The following SAMD5 variants were observed in gnomAD, a reference collection of about 807,000 sequenced individuals.
The protein encoded by SAMD5 is sterile alpha motif domain-containing protein 5.
A neutral mutation model predicts 11.3 loss-of-function variants in SAMD5; 13 were observed. The ratio of observed to expected loss-of-function variants is 1.15; its 90% CI spans 0.75 to 1.83. SAMD5 has a LOEUF of 1.83. Among genes scored for constraint, SAMD5 ranks in the 40% most tolerant of loss-of-function variants. The pLI is 0.00. For missense variants in SAMD5, 255 were observed against 239.1 expected (o/e 1.07, Z -0.44); for synonymous variants, 129 against 111.3 (o/e 1.16, Z -1.00).
intron 1 of SAMD5, among the ~76,000 whole-genome samples, chr6:147,540,155 G>C (rs1472492990): frequency 6.6e-6 from 1 of 151,900 alleles, no homozygotes; most frequent in African/African-American, 2.4e-5. Flanking sequence ...GAAAATTTAA[G>C]ACTGCGAATC....
the SAMD5 span, among the ~76,000 whole-genome samples, chr6:147,850,382 C>G: frequency 6.6e-6 from 1 of 152,106 alleles, no homozygotes; most frequent in Non-Finnish European, 1.5e-5. Context: ...AGGGCTGTAT[C>G]TAAAATTAAA....
the SAMD5 span, among the ~76,000 whole-genome samples, chr6:147,850,825 A>T: frequency 1.3e-5 from 2 of 151,794 alleles, no homozygotes; most frequent in Admixed American, 6.6e-5. Context: ...ACCGAGTAGC[A>T]GACTCGGTGA....
Position 147,534,676 on chromosome 6 carries a change from G to A in SAMD5, c.459+25289G>A, listed in dbSNP as rs772514563. Among the ~76,000 whole-genome samples, 26 of 152,220 alleles carry A rather than the reference G, an allele frequency of 1.7e-4. No homozygotes were observed. In the South Asian group the frequency reaches 1.9e-3, roughly 11 times the overall value. ...CTGAGTCAGTTCCTGGGTGGGGGCC[G>A]CAAGATCAGATGAGCCAGTTGATTG... is the stretch of plus-strand genomic sequence containing the variant. On this transcript the variant is annotated intron_variant, in intron 1 of 1. Transcript: ENST00000367474.
rs2128444588 is a variant in SAMD5 at position 147,564,745 on chromosome 6, CCCTT to C, written c.*292_*295del. On this transcript the variant is annotated 3_prime_UTR_variant, in exon 2 of 2. Transcript: ENST00000367474. ...AGTCTTATGCATTTCTTGGCATTCT[CCCTT>C]CCATTCTTAATGAAAACAGATGAGG... The C allele has an allele frequency of 9.5e-7, 1 of 1,055,860 alleles. No homozygotes were observed. The highest frequency in any genetic ancestry group is 5.4e-5 in the Admixed American group (1 of 18,560). The allele number at this position is 1,055,860 out of a possible 1,614,324, so 65.4% of individuals were successfully genotyped here. A position where few individuals can be genotyped will look rare whatever the true frequency, so the allele number is the denominator to read the frequency against.
At chr6:147,628,218 A>G (rs1185631851) in intron 1 of SAMD5, among the ~76,000 whole-genome samples, 5 of 152,230 alleles carry the variant, frequency 3.3e-5, no homozygotes, top group African/African-American at 1.2e-4. Flanking sequence ...TCCTTTAAGC[A>G]ACTTGAGATA....
At chr6:147,674,092 G>GT (rs1187080785) in intron 1 of SAMD5, among the ~76,000 whole-genome samples, 5 of 152,178 alleles carry the variant, frequency 3.3e-5, no homozygotes, top group East Asian at 1.9e-4. Flanking sequence ...TTACTCTTTT[G>GT]TTTTTTTACT....
chr6:147,818,998 A>G, the SAMD5 span, among the ~76,000 whole-genome samples: 3 of 152,176 alleles, frequency 2.0e-5, no homozygotes, highest in Admixed American at 1.3e-4. Flanking sequence ...CCAAAATATA[A>G]ATCGTTCTAC....
intron 1 of SAMD5, among the ~76,000 whole-genome samples, chr6:147,703,524 A>G (rs1791284478): frequency 6.6e-6 from 1 of 152,240 alleles, no homozygotes; most frequent in African/African-American, 2.4e-5. Flanking sequence ...TTTATCATGC[A>G]AAACCTCAAA....
chr6:147,534,754 T>G (rs916207234), intron 1 of SAMD5, among the ~76,000 whole-genome samples: 3 of 152,176 alleles, frequency 2.0e-5, no homozygotes, highest in East Asian at 3.9e-4. Context: ...TCTCAAGCAC[T>G]GATCTTAGGA....
At chr6:147,798,350 T>C in the SAMD5 span, among the ~76,000 whole-genome samples, 1 of 150,610 alleles carries the variant, frequency 6.6e-6, no homozygotes, top group Non-Finnish European at 1.5e-5. Flanking sequence ...AGGAGCAGGT[T>C]GTTCAGTTTC....
intron 1 of SAMD5, among the ~76,000 whole-genome samples, chr6:147,665,310 G>C (rs2128454845): frequency 6.6e-6 from 1 of 152,310 alleles, no homozygotes; most frequent in South Asian, 2.1e-4. Flanking sequence ...TTTTGAAAGT[G>C]TTTTAATAAT....
chr6:147,765,036 C>T, the SAMD5 span, among the ~76,000 whole-genome samples: 1 of 152,182 alleles, frequency 6.6e-6, no homozygotes, highest in East Asian at 1.9e-4. Context: ...ATTCTTTGCC[C>T]AAGCTTGTCT....
At chr6:147,780,407 C>T in the SAMD5 span, among the ~76,000 whole-genome samples, 1 of 152,100 alleles carries the variant, frequency 6.6e-6, no homozygotes, top group African/African-American at 2.4e-5. Flanking sequence ...AGGATTTCAC[C>T]ATGTTGACCA....
the SAMD5 span, among the ~76,000 whole-genome samples, chr6:147,804,743 TAG>T: frequency 9.3e-4 from 142 of 152,334 alleles, 1 homozygote; most frequent in Non-Finnish European, 1.8e-3. Context: ...TTAACAGCAC[TAG>T]AGAGTGTTGA....
chr6:147,918,823 G>A, the SAMD5 span, among the ~76,000 whole-genome samples: 2 of 149,636 alleles, frequency 1.3e-5, no homozygotes, highest in East Asian at 2.0e-4. Context: ...TCAGCCTCCC[G>A]AGTCCTGAGT....
the SAMD5 span, among the ~76,000 whole-genome samples, chr6:147,806,070 G>C: frequency 2.6e-5 from 4 of 152,266 alleles, no homozygotes; most frequent in Admixed American, 6.5e-5. Flanking sequence ...CAGCCAAGGG[G>C]AGGAACCAGG....
At chr6:147,660,444 C>T (rs773264421) in intron 1 of SAMD5, among the ~76,000 whole-genome samples, 3 of 152,186 alleles carry the variant, frequency 2.0e-5, no homozygotes, top group Non-Finnish European at 4.4e-5. Flanking sequence ...TTGGGCAAAA[C>T]AGACATTTCC....
the SAMD5 span, among the ~76,000 whole-genome samples, chr6:147,783,532 T>G: frequency 2.6e-5 from 4 of 152,048 alleles, no homozygotes; most frequent in Non-Finnish European, 4.4e-5. Context: ...CAGCTGGGGC[T>G]ACAGATGCCC....
chr6:147,720,665 TAA>T (rs1791537713), intron 1 of SAMD5, among the ~76,000 whole-genome samples: 1 of 152,126 alleles, frequency 6.6e-6, no homozygotes, highest in South Asian at 2.1e-4. Context: ...TGACTGTATA[TAA>T]GACTTTAAAT....
Sources: allele counts gnomAD v4.1 joint callset (sites outside exome capture counted in the v4.1 genomes callset), GRCh38; gene constraint gnomAD v4.1.1; transcripts MANE v1.5; gene names NCBI Gene and HGNC (gene_info 2026-07-23, HGNC 2026-07-21).